The following CSRNP3 variants were observed in gnomAD, a reference collection of about 807,000 sequenced individuals.
CSRNP3 encodes the protein cysteine and serine rich nuclear protein 3.
A neutral mutation model predicts 48.0 loss-of-function variants in CSRNP3; 12 were observed. The observed-to-expected ratio is 0.25, with a 90% CI of 0.16 to 0.41. The LOEUF (loss-of-function observed/expected upper bound fraction) is 0.41. Among genes scored for constraint, CSRNP3 ranks in the 10% least tolerant of loss-of-function variants. The pLI is 1.00. For missense variants in CSRNP3, 580 were observed against 724.4 expected (o/e 0.80, Z 2.29); for synonymous variants, 263 against 269.7 (o/e 0.98, Z 0.24).
intron 1 of CSRNP3, among the ~76,000 whole-genome samples, chr2:165,480,689 T>A (rs971605124): frequency 3.6e-4 from 54 of 150,936 alleles, no homozygotes; most frequent in Non-Finnish European, 6.3e-4. Context: ...CATGGAAGAC[T>A]CAATATTTCC....
intron 4 of CSRNP3, among the ~76,000 whole-genome samples, chr2:165,644,775 G>A (rs1686784332): frequency 6.6e-6 from 1 of 152,176 alleles, no homozygotes; most frequent in Admixed American, 6.5e-5. Context: ...CAGACATTGT[G>A]CTCAAGTAAT....
chr2:165,477,730 A>T (rs562951624), intron 1 of CSRNP3, among the ~76,000 whole-genome samples: 3 of 151,394 alleles, frequency 2.0e-5, no homozygotes, highest in Non-Finnish European at 4.4e-5. Context: ...TAATCCCAGC[A>T]CTTTGGGAGG....
intron 3 of CSRNP3, among the ~76,000 whole-genome samples, chr2:165,568,911 A>G (rs1685333207): frequency 6.6e-6 from 1 of 152,110 alleles, no homozygotes; most frequent in Non-Finnish European, 1.5e-5. Flanking sequence ...TTCTGATTTT[A>G]GCAGATATAT....
At chr2:165,492,662 T>G (rs1179574855) in intron 1 of CSRNP3, among the ~76,000 whole-genome samples, 1 of 150,808 alleles carries the variant, frequency 6.6e-6, no homozygotes, top group Non-Finnish European at 1.5e-5. Context: ...AATTTATATT[T>G]TCTTCTTATT....
intron 2 of CSRNP3, among the ~76,000 whole-genome samples, chr2:165,511,534 A>G (rs1684505836): frequency 6.6e-6 from 1 of 152,174 alleles, no homozygotes; most frequent in South Asian, 2.1e-4. Context: ...TCTTCATCAT[A>G]ACATGATTGA....
rs1399978326 is a variant in CSRNP3, at chr2:165,505,933, C to T, written c.-113+11005C>T. ...AGTCAAGACTTTTTATTGCAAGTGA[C>T]GAAAGCCCTATACTATCTATCTTAG... is the stretch of plus-strand genomic sequence containing the variant. On this transcript the variant is annotated intron_variant, in intron 2 of 6. Transcript: ENST00000651982. Among the ~76,000 whole-genome samples, 4 of 152,074 alleles carry T rather than the reference C, an allele frequency of 2.6e-5. No individual in the cohort carries two copies. In the South Asian group the frequency reaches 6.2e-4, roughly 24 times the overall value.
rs763187304 is a variant in CSRNP3 at position 165,679,884 on chromosome 2, T to C, written c.*131T>C. On this transcript the variant is annotated 3_prime_UTR_variant, in exon 7 of 7. Transcript: ENST00000651982. Reference sequence around the variant, plus strand: ...ACGGTGGTTAATCTTCCAGACTGTATTTTGTTTTTTCCTTTCTAGCCACAT... The same window carrying C: ...ACGGTGGTTAATCTTCCAGACTGTACTTTGTTTTTTCCTTTCTAGCCACAT... 12 of 1,328,266 alleles carry C rather than the reference T, an allele frequency of 9.0e-6. No individual in the cohort carries two copies. Among genetic ancestry groups the C allele is most frequent in the Non-Finnish European group, 1.2e-5 (12 of 977,542 alleles). 82.3% of individuals were successfully genotyped at this position (1,328,266 alleles called of 1,614,324 possible). A position where few individuals can be genotyped will look rare whatever the true frequency, so the allele number is the denominator to read the frequency against.
intron 4 of CSRNP3, among the ~76,000 whole-genome samples, chr2:165,642,105 C>CACACACACACACACAA (rs1315797604): frequency 2.6e-3 from 80 of 31,060 alleles, no homozygotes; most frequent in Non-Finnish European, 4.3e-3. Flanking sequence ...CACACACAAA[C>CACACACACACACACAA]ACACACACAC....
chr2:165,563,922 C>A (rs1346878805), intron 3 of CSRNP3, among the ~76,000 whole-genome samples: 2 of 151,978 alleles, frequency 1.3e-5, no homozygotes, highest in Non-Finnish European at 2.9e-5. Flanking sequence ...AAAATAAAAT[C>A]TCCCCCGCTC....
At chr2:165,642,140 A>G (rs1413231615) in intron 4 of CSRNP3, among the ~76,000 whole-genome samples, 1 of 146,940 alleles carries the variant, frequency 6.8e-6, no homozygotes, top group Non-Finnish European at 1.5e-5. Flanking sequence ...ACACACACAC[A>G]CACACACGGT....
chr2:165,541,931 A>G (rs141730684), intron 3 of CSRNP3, among the ~76,000 whole-genome samples: 1 of 152,276 alleles, frequency 6.6e-6, no homozygotes, highest in African/African-American at 2.4e-5. Context: ...TCACATAGGT[A>G]GAGACCAAAA....
At position 165,607,578 on chromosome 2, in the gene CSRNP3, G is replaced by C. The variant is rs116350021; in HGVS notation, c.148+12365G>C. 9.8e-3 allele frequency among the ~76,000 whole-genome samples: 1,488 copies of C among 152,220 alleles called. 29 individuals are homozygous for C. Among genetic ancestry groups the C allele is most frequent in the African/African-American group, 0.034 (1,415 of 41,540 alleles). The stretch of plus-strand genomic sequence containing the variant: ...CTATCACTGTCACACTGTATATACA[G>C]TTATATGTTCCACATAACATTCTTC... On this transcript the variant is annotated intron_variant, in intron 4 of 6. Transcript: ENST00000651982.
intron 4 of CSRNP3, among the ~76,000 whole-genome samples, chr2:165,602,936 C>T (rs1264741487): frequency 6.6e-6 from 1 of 151,764 alleles, no homozygotes; most frequent in Non-Finnish European, 1.5e-5. Flanking sequence ...TCGCTGTCGC[C>T]CAGGCTGGAG....
At chr2:165,556,331 G>T (rs80329871) in intron 3 of CSRNP3, among the ~76,000 whole-genome samples, 2,444 of 152,242 alleles carry the variant, frequency 0.016, 58 homozygotes, top group African/African-American at 0.042. Context: ...CACTGACTTT[G>T]CAATTTCTGA....
chr2:165,667,934 TTGGCAATATGCC>T (rs1348407136), intron 5 of CSRNP3, among the ~76,000 whole-genome samples: 13 of 152,252 alleles, frequency 8.5e-5, no homozygotes, highest in African/African-American at 2.9e-4. Flanking sequence ...AGTACAGTGC[TTGGCAATATGCC>T]ATAGTGATTA....
At position 165,683,797 on chromosome 2, in the gene CSRNP3, C is replaced by G. The variant is rs1687584550; in HGVS notation, c.*4044C>G. 6.6e-6 allele frequency: 1 copy of G among 151,976 alleles called. No homozygotes were observed. The highest frequency in any genetic ancestry group is 6.6e-5 in the Admixed American group (1 of 15,220). 9.4% of individuals were successfully genotyped at this position (151,976 alleles called of 1,614,324 possible). A position where few individuals can be genotyped will look rare whatever the true frequency, so the allele number is the denominator to read the frequency against. ...AAATCCTCTTAATATGTGATTTTAT[C>G]AAGTGACATTAGAAAAACTGACATC... On this transcript the variant is annotated 3_prime_UTR_variant, in exon 7 of 7. Coordinates refer to ENST00000651982, the MANE Select transcript of CSRNP3 (RefSeq NM_001172173.2).
chr2:165,676,651 C>T (rs1224268006), intron 6 of CSRNP3, 43 bp downstream of exon 6: 2 of 1,561,708 alleles, frequency 1.3e-6, no homozygotes, highest in Non-Finnish European at 1.8e-6. Context: ...AAGACATTGT[C>T]TACCACCCCC....
intron 4 of CSRNP3, among the ~76,000 whole-genome samples, chr2:165,652,376 G>A (rs73031619): frequency 0.048 from 7,236 of 151,824 alleles, 526 homozygotes; most frequent in African/African-American, 0.16. Flanking sequence ...GTGTGCACCT[G>A]TAGTCCCAGC....
chr2:165,492,160 T>C (rs1684221248), intron 1 of CSRNP3, among the ~76,000 whole-genome samples: 1 of 152,170 alleles, frequency 6.6e-6, no homozygotes, highest in African/African-American at 2.4e-5. Context: ...TCGGAGCCAC[T>C]GAATCCTCCC....
Sources: allele counts gnomAD v4.1 joint callset (sites outside exome capture counted in the v4.1 genomes callset), GRCh38; gene constraint gnomAD v4.1.1; transcripts MANE v1.5; gene names NCBI Gene and HGNC (gene_info 2026-07-23, HGNC 2026-07-21).